MACROD1: variants seen among roughly 807,000 people sequenced by gnomAD.
MACROD1 encodes the protein mono-ADP ribosylhydrolase 1, also known as ADP-ribose glycohydrolase MACROD1.
A neutral mutation model predicts 41.4 loss-of-function variants in MACROD1; 31 were observed. The observed-to-expected ratio is 0.75, with a 90% CI of 0.56 to 1.01. MACROD1 has a LOEUF of 1.01. MACROD1 is among the 50% of genes least tolerant of loss of function. The probability of loss-of-function intolerance (pLI) is 0.00; values close to 1 mark genes in which losing one functional copy is unlikely to be tolerated. For synonymous variants in MACROD1, 252 were observed against 203.4 expected (o/e 1.24, Z -2.03); for missense variants, 473 against 460.0 (o/e 1.03, Z -0.26).
chr11:63,999,747 C>T lies in MACROD1; in HGVS notation c.681G>A (p.Val227=). Residue 227 remains valine (V), a synonymous_variant, in exon 6 of 11, where the codon GTG becomes GTA. Transcript: ENST00000255681. ...TGGGCTCCCCGTAGGCGATGGGCCC[C>T]ACTGTGTGGATGACGTCTACGGGGG... is the stretch of plus-strand genomic sequence containing the variant. ...RLPAKYVIHT[V]GPIAYGEPSA... 6.2e-7 allele frequency: 1 copy of T among 1,607,244 alleles called. No homozygotes were observed.
chr11:64,099,411 G>A (rs1944632529), intron 3 of MACROD1, among the ~76,000 whole-genome samples: 1 of 152,234 alleles, frequency 6.6e-6, no homozygotes, highest in Non-Finnish European at 1.5e-5. Context: ...CTCAGAATAT[G>A]TTTGCTGGAT....
intron 3 of MACROD1, among the ~76,000 whole-genome samples, chr11:64,106,746 C>A (rs2134577483): frequency 6.6e-6 from 1 of 152,350 alleles, no homozygotes; most frequent in Middle Eastern, 3.4e-3. Context: ...GCAGAGCCCG[C>A]AGCCTCAGTC....
rs1170913684 is a variant in MACROD1 at position 64,031,133 on chromosome 11, A to C, written c.518-15852T>G. 3.3e-5 allele frequency among the ~76,000 whole-genome samples: 5 copies of C among 152,242 alleles called. No homozygotes were observed. In the East Asian group the frequency reaches 9.7e-4, roughly 29 times the overall value. The stretch of plus-strand genomic sequence containing the variant: ...GAGGGGTGCTCTTGTCCTGGCTGGC[A>C]GCCTCCCCGGTGCCAGTGGCCTGGT... On this transcript the variant is annotated intron_variant, in intron 3 of 10. Transcript: ENST00000255681.
At chr11:64,049,402 C>T (rs1030877103) in intron 3 of MACROD1, among the ~76,000 whole-genome samples, 4 of 152,170 alleles carry the variant, frequency 2.6e-5, no homozygotes, top group African/African-American at 7.2e-5. Flanking sequence ...CAGCAGGCCC[C>T]CTGAGCACTT....
chr11:64,058,700 TG>T (rs1435964117), intron 3 of MACROD1, among the ~76,000 whole-genome samples: 1 of 152,264 alleles, frequency 6.6e-6, no homozygotes, highest in Admixed American at 6.5e-5. Context: ...GCTCATTTCC[TG>T]CTCCCTGGCC....
Position 64,000,220 on chromosome 11 carries a change from G to A in MACROD1, c.664+7C>T. The A allele has an allele frequency of 6.2e-7, 1 of 1,602,092 alleles. No homozygotes were observed. The highest frequency in any genetic ancestry group is 1.1e-5 in the South Asian group (1 of 89,470). On this transcript the variant is annotated splice_region_variant and intron_variant, in intron 5 of 10. Coordinates refer to ENST00000255681, the MANE Select transcript of MACROD1 (RefSeq NM_014067.4). ...GCCCCACAGCTGGGGGCGCGTCGGG[G>A]ACTCACACTTGGCCGGGAGCCGATA...
chr11:64,065,023 G>A (rs1257547694), intron 3 of MACROD1, among the ~76,000 whole-genome samples: 1 of 152,182 alleles, frequency 6.6e-6, no homozygotes, highest in Non-Finnish European at 1.5e-5. Context: ...GGCAATGCTG[G>A]TGCTAGGGAC....
intron 3 of MACROD1, among the ~76,000 whole-genome samples, chr11:64,055,773 T>C (rs1464863169): frequency 6.6e-6 from 1 of 152,104 alleles, no homozygotes; most frequent in East Asian, 1.9e-4. Context: ...ACTGCCTCAG[T>C]TTCCCCTTTC....
intron 3 of MACROD1, among the ~76,000 whole-genome samples, chr11:64,046,259 G>T (rs1200302157): frequency 6.6e-6 from 1 of 152,292 alleles, no homozygotes; most frequent in Admixed American, 6.5e-5. Context: ...CCCCAGAAGA[G>T]GGACAGGGGC....
At chr11:64,118,042 G>T in intron 3 of MACROD1, 1 of 1,613,538 alleles carries the variant, frequency 6.2e-7, no homozygotes, top group Non-Finnish European at 8.5e-7. Flanking sequence ...GCCTACAACC[G>T]GGGCAGCAGG....
chr11:64,152,392 G>A lies in MACROD1; in HGVS notation c.300C>T (p.Ser100=), dbSNP rs758376764. Residue 100 remains serine, a splice_region_variant and synonymous_variant, in exon 2 of 11, where the codon TCC becomes TCT. Coordinates refer to ENST00000255681, the MANE Select transcript of MACROD1 (RefSeq NM_014067.4). Reference sequence around the variant, plus strand: ...GCTTGTCACTCAGGCCCTTCAGAAAGGCTGCAGAGGCAGGAAGGAGGATCA... The same window carrying A: ...GCTTGTCACTCAGGCCCTTCAGAAAAGCTGCAGAGGCAGGAAGGAGGATCA... The part of the protein sequence containing the change: ...STSTDWKEAK[S]FLKGLSDKQR... 27 of 1,613,334 alleles carry A rather than the reference G, an allele frequency of 1.7e-5. No homozygotes were observed. The highest frequency in any genetic ancestry group is 8.3e-5 in the Admixed American group (5 of 60,010).
rs372370458 is a variant in MACROD1, at chr11:64,150,461, A to C, written c.517+778T>G. Reference sequence around the variant, plus strand: ...CTGCCCCCCATATTCAGGGTCTGAGAAAGAGGCCCCCCTTCCTCCAATGCT... The same window carrying C: ...CTGCCCCCCATATTCAGGGTCTGAGCAAGAGGCCCCCCTTCCTCCAATGCT... On this transcript the variant is annotated intron_variant, in intron 3 of 10. Coordinates refer to ENST00000255681, the MANE Select transcript of MACROD1 (RefSeq NM_014067.4). 1.7e-4 allele frequency among the ~76,000 whole-genome samples: 26 copies of C among 152,256 alleles called. No homozygotes were observed. In the East Asian group the frequency reaches 3.3e-3, roughly 19 times the overall value.
chr11:64,016,214 C>A (rs1465201211), intron 3 of MACROD1, among the ~76,000 whole-genome samples: 1 of 152,236 alleles, frequency 6.6e-6, no homozygotes. Context: ...AGGCTGGCAG[C>A]CCCTCTCTGT....
chr11:64,023,022 G>A (rs369592557), intron 3 of MACROD1, among the ~76,000 whole-genome samples: 5 of 151,894 alleles, frequency 3.3e-5, no homozygotes, highest in Admixed American at 6.6e-5. Flanking sequence ...CCACCACGCC[G>A]GGCTAATTTT....
At chr11:64,156,709 C>T (rs1945673911) in intron 1 of MACROD1, among the ~76,000 whole-genome samples, 1 of 152,202 alleles carries the variant, frequency 6.6e-6, no homozygotes, top group Admixed American at 6.5e-5. Context: ...AGCCCCTTCT[C>T]TCCAGCAAAG....
chr11:64,011,733 G>A (rs575914201), intron 4 of MACROD1, among the ~76,000 whole-genome samples: 20 of 151,294 alleles, frequency 1.3e-4, no homozygotes, highest in Admixed American at 2.6e-4. Context: ...GCCCTTGTGC[G>A]TGTTCGAACA....
intron 3 of MACROD1, chr11:64,117,586 C>G (rs1008474536): frequency 8.1e-6 from 13 of 1,611,582 alleles, no homozygotes; most frequent in Non-Finnish European, 1.1e-5. Flanking sequence ...AAGACCCTGG[C>G]CATCCACGTG....
At chr11:64,098,814 ACAC>A (rs1944622044) in intron 3 of MACROD1, among the ~76,000 whole-genome samples, 1 of 152,146 alleles carries the variant, frequency 6.6e-6, no homozygotes, top group African/African-American at 2.4e-5. Flanking sequence ...TTCATTTAAA[ACAC>A]CACTTCGCTA....
intron 3 of MACROD1, among the ~76,000 whole-genome samples, chr11:64,046,804 C>G (rs573192770): frequency 2.0e-5 from 3 of 152,110 alleles, no homozygotes; most frequent in Non-Finnish European, 4.4e-5. Flanking sequence ...TGGCCTGGCC[C>G]GTTCTTTAAG....
Sources: allele counts gnomAD v4.1 joint callset (sites outside exome capture counted in the v4.1 genomes callset), GRCh38; gene constraint gnomAD v4.1.1; transcripts MANE v1.5; gene names NCBI Gene and HGNC (gene_info 2026-07-23, HGNC 2026-07-21).